Variants in ESR1 observed in about 807,000 individuals in gnomAD.
The protein encoded by ESR1 is estrogen receptor 1.
In ESR1, 12 loss-of-function variants were observed where a neutral mutation model predicts 52.7. The observed-to-expected ratio is 0.23, with a 90% CI of 0.15 to 0.37. The LOEUF is 0.37. Among genes scored for constraint, ESR1 ranks in the 10% least tolerant of loss-of-function variants. The probability of loss-of-function intolerance (pLI) is 1.00; values close to 1 mark genes in which losing one functional copy is unlikely to be tolerated. For synonymous variants in ESR1, 305 were observed against 316.8 expected, an observed-to-expected ratio of 0.96 and a Z score of 0.39; for missense variants, 584 against 779.7, an observed-to-expected ratio of 0.75 and a Z score of 2.99.
chr6:152,067,738 A>G (rs7762662), intron 6 of ESR1, among the ~76,000 whole-genome samples: 33,862 of 152,016 alleles, frequency 0.22, 5,555 homozygotes, highest in African/African-American at 0.45. Flanking sequence ...AATGCAGGAG[A>G]ATCACTTGAA....
upstream of ESR1, among the ~76,000 whole-genome samples, chr6:151,803,502 C>T (rs913624271): frequency 1.5e-4 from 23 of 151,976 alleles, no homozygotes; most frequent in Admixed American, 1.4e-3. Context: ...TAGGAAGGAT[C>T]GTTATGGGCA....
At chr6:151,912,835 C>G (rs1798476896) in intron 3 of ESR1, among the ~76,000 whole-genome samples, 1 of 152,092 alleles carries the variant, frequency 6.6e-6, no homozygotes, top group Non-Finnish European at 1.5e-5. Context: ...AACCAAACAC[C>G]TCATGTTCGC....
chr6:152,079,003 C>T (rs1036422325), intron 6 of ESR1, among the ~76,000 whole-genome samples: 2 of 152,242 alleles, frequency 1.3e-5, no homozygotes, highest in Admixed American at 6.5e-5. Flanking sequence ...CAGAGCCCAC[C>T]TCAGCTCAGC....
chr6:152,107,129 G>T (rs1451499865), downstream of ESR1, among the ~76,000 whole-genome samples: 2 of 152,082 alleles, frequency 1.3e-5, no homozygotes, highest in East Asian at 1.9e-4. Context: ...TGTGTAAAGT[G>T]ATGTTTGTCA....
intron 1 of ESR1, among the ~76,000 whole-genome samples, chr6:151,825,257 A>AGAT (rs1386026512): frequency 6.6e-6 from 1 of 152,060 alleles, no homozygotes; most frequent in African/African-American, 2.4e-5. Context: ...GTGGCTTGGG[A>AGAT]GATGGCATGC....
intron 1 of ESR1, among the ~76,000 whole-genome samples, chr6:151,811,643 A>G (rs1489419304): frequency 6.6e-6 from 1 of 152,184 alleles, no homozygotes; most frequent in Admixed American, 6.5e-5. Context: ...TTCCAAAGTG[A>G]GATTTAAGTG....
chr6:151,801,923 C>T (rs1462493819), upstream of ESR1, among the ~76,000 whole-genome samples: 1 of 152,144 alleles, frequency 6.6e-6, no homozygotes, highest in Non-Finnish European at 1.5e-5. Context: ...AGATCATGGT[C>T]CATAGAGATC....
chr6:152,010,875 CCTCCTT>C (rs1363637553), intron 4 of ESR1, among the ~76,000 whole-genome samples: 44 of 150,446 alleles, frequency 2.9e-4, no homozygotes, highest in African/African-American at 1.0e-3. Flanking sequence ...TCCTTCTCCT[CCTCCTT>C]CTCCTTCTTC....
rs947581068 is a variant in ESR1 at position 152,099,554 on chromosome 6, A to G, written c.*588A>G. ...TGGTGATTGTCAATTCATTCCCCCTATAGGAATACAAGGGGCACACAGGGA... is the reference window on the plus strand; with the variant it reads ...TGGTGATTGTCAATTCATTCCCCCTGTAGGAATACAAGGGGCACACAGGGA... On this transcript the variant is annotated 3_prime_UTR_variant, in exon 8 of 8. Coordinates refer to ENST00000206249, the MANE Select transcript of ESR1 (RefSeq NM_000125.4). 1 of 241,188 alleles carries G rather than the reference A, an allele frequency of 4.1e-6. No individual in the cohort carries two copies. Among genetic ancestry groups the G allele is most frequent in the Non-Finnish European group, 8.1e-6 (1 of 122,736 alleles). The allele number at this position is 241,188 out of a possible 1,614,324, so 14.9% of individuals were successfully genotyped here.
chr6:151,845,194 T>C (rs981882158), intron 2 of ESR1, among the ~76,000 whole-genome samples: 2 of 152,162 alleles, frequency 1.3e-5, no homozygotes, highest in Non-Finnish European at 2.9e-5. Flanking sequence ...AATCAACGAA[T>C]ACAGTGTGAG....
At chr6:151,839,463 A>G (rs1783926209) in intron 1 of ESR1, among the ~76,000 whole-genome samples, 1 of 152,246 alleles carries the variant, frequency 6.6e-6, no homozygotes, top group African/African-American at 2.4e-5. Context: ...TAGAATTATC[A>G]TATGATCCAG....
intron 6 of ESR1, among the ~76,000 whole-genome samples, chr6:152,074,300 G>A (rs2048564392): frequency 6.6e-6 from 1 of 152,094 alleles, no homozygotes; most frequent in South Asian, 2.1e-4. Flanking sequence ...TGTCTCCACA[G>A]TTTTGCCTTC....
intron 5 of ESR1, among the ~76,000 whole-genome samples, chr6:152,021,648 T>G (rs1234468932): frequency 6.6e-6 from 1 of 152,152 alleles, no homozygotes; most frequent in Non-Finnish European, 1.5e-5. Context: ...TGATGAGATG[T>G]TACGGGAATA....
intron 1 of ESR1, among the ~76,000 whole-genome samples, chr6:151,685,165 C>T (rs1401070548): frequency 8.3e-6 from 1 of 120,830 alleles, no homozygotes; most frequent in East Asian, 2.6e-4. Flanking sequence ...CTCGCTCTGT[C>T]GCCCAGGCCG....
intron 5 of ESR1, among the ~76,000 whole-genome samples, chr6:152,045,521 C>T (rs1050492535): frequency 9.2e-5 from 14 of 152,182 alleles, no homozygotes; most frequent in African/African-American, 3.1e-4. Context: ...GACTGCAGGT[C>T]TGCTACCAAC....
intron 2 of ESR1, among the ~76,000 whole-genome samples, chr6:151,862,551 G>A (rs561692047): frequency 7.2e-5 from 11 of 152,298 alleles, no homozygotes; most frequent in African/African-American, 2.2e-4. Flanking sequence ...AGGAGACCAA[G>A]GCCCTGTAGG....
chr6:151,854,288 C>T (rs950641354), intron 2 of ESR1, among the ~76,000 whole-genome samples: 1 of 152,090 alleles, frequency 6.6e-6, no homozygotes, highest in African/African-American at 2.4e-5. Context: ...AAAACTTGTT[C>T]TGGCTACTCT....
At chr6:152,031,318 A>G (rs1368976450) in intron 5 of ESR1, among the ~76,000 whole-genome samples, 2 of 152,204 alleles carry the variant, frequency 1.3e-5, no homozygotes, top group Non-Finnish European at 2.9e-5. Context: ...TAGAGACACA[A>G]AAAACCCTTC....
intron 1 of ESR1, among the ~76,000 whole-genome samples, chr6:151,682,489 T>G (rs1778498805): frequency 6.6e-6 from 1 of 152,196 alleles, no homozygotes; most frequent in Admixed American, 6.5e-5. Context: ...TCTTTGGAGT[T>G]TTACAAGTAA....
Sources: allele counts gnomAD v4.1 joint callset (sites outside exome capture counted in the v4.1 genomes callset), GRCh38; gene constraint gnomAD v4.1.1; transcripts MANE v1.5; gene names NCBI Gene and HGNC (gene_info 2026-07-23, HGNC 2026-07-21).